The following NRG1 variants were observed in gnomAD, a reference collection of about 807,000 sequenced individuals.
The protein encoded by NRG1 is neuregulin 1, also known as pro-neuregulin-1, membrane-bound isoform.
NRG1 carries 18 observed loss-of-function variants against 63.8 expected under a neutral mutation model. That is an observed-to-expected ratio of 0.28 (90% CI 0.19 to 0.42). The LOEUF (loss-of-function observed/expected upper bound fraction) is 0.42. NRG1 is among the 10% of genes least tolerant of loss of function. NRG1 has a pLI of 1.00. For synonymous variants in NRG1, 302 were observed against 301.3 expected (o/e 1.00, Z -0.02); for missense variants, 762 against 814.7 (o/e 0.94, Z 0.79).
At chr8:32,177,321 C>T (rs1419414667) in intron 1 of NRG1, among the ~76,000 whole-genome samples, 1 of 131,460 alleles carries the variant, frequency 7.6e-6, no homozygotes, top group Non-Finnish European at 1.6e-5. Flanking sequence ...CACACTGGGG[C>T]CTGTTGTGGG....
intron 1 of NRG1, among the ~76,000 whole-genome samples, chr8:31,865,793 TG>T (rs2129610975): frequency 6.6e-6 from 1 of 152,302 alleles, no homozygotes; most frequent in South Asian, 2.1e-4. Context: ...CATAGTAGCA[TG>T]AGAGCAGACT....
chr8:32,461,623 C>T (rs779945716), intron 1 of NRG1, among the ~76,000 whole-genome samples: 2 of 151,972 alleles, frequency 1.3e-5, no homozygotes, highest in Non-Finnish European at 2.9e-5. Flanking sequence ...ACCTAGGAGG[C>T]GGAGGTTGAA....
At chr8:32,024,803 C>T (rs1446282191) in intron 1 of NRG1, among the ~76,000 whole-genome samples, 1 of 152,036 alleles carries the variant, frequency 6.6e-6, no homozygotes, top group Non-Finnish European at 1.5e-5. Context: ...TTTCATTGAA[C>T]CTGTGAGTGA....
intron 1 of NRG1, among the ~76,000 whole-genome samples, chr8:32,465,562 G>C (rs925052557): frequency 1.1e-4 from 16 of 150,892 alleles, no homozygotes; most frequent in Non-Finnish European, 2.1e-4. Flanking sequence ...ATTTCTGAGA[G>C]GATATGACAA....
chr8:31,895,261 G>A (rs1415554893), intron 1 of NRG1, among the ~76,000 whole-genome samples: 2 of 152,210 alleles, frequency 1.3e-5, no homozygotes, highest in Admixed American at 1.3e-4. Context: ...GCTAAAGCCA[G>A]GTCCCCAAAG....
intron 1 of NRG1, among the ~76,000 whole-genome samples, chr8:31,873,795 T>C (rs1400526071): frequency 6.6e-6 from 1 of 152,228 alleles, no homozygotes; most frequent in Admixed American, 6.5e-5. Flanking sequence ...GAGGAATTTG[T>C]GTGTTTTAAA....
chr8:32,380,511 C>T (rs1201320957), intron 1 of NRG1, among the ~76,000 whole-genome samples: 1 of 152,080 alleles, frequency 6.6e-6, no homozygotes, highest in Non-Finnish European at 1.5e-5. Context: ...ACCTTGAAAT[C>T]CCCACTTGGA....
intron 1 of NRG1, among the ~76,000 whole-genome samples, chr8:31,690,787 A>G (rs1289204465): frequency 1.3e-5 from 2 of 152,200 alleles, no homozygotes; most frequent in African/African-American, 2.4e-5. Flanking sequence ...CAACTGAAAT[A>G]AGGAAGGCTA....
intron 1 of NRG1, among the ~76,000 whole-genome samples, chr8:32,425,133 G>T (rs893624039): frequency 1.3e-5 from 2 of 152,148 alleles, no homozygotes; most frequent in African/African-American, 4.8e-5. Context: ...CACTGAATAT[G>T]AAGGAGGCCA....
chr8:31,981,915 T>C (rs895417733), intron 1 of NRG1, among the ~76,000 whole-genome samples: 18 of 152,144 alleles, frequency 1.2e-4, no homozygotes, highest in African/African-American at 3.9e-4. Context: ...AAGGGATTGA[T>C]ATTTAAATAA....
At chr8:32,394,213 G>C (rs1812149632) in intron 1 of NRG1, among the ~76,000 whole-genome samples, 1 of 152,118 alleles carries the variant, frequency 6.6e-6, no homozygotes. Context: ...CTCTGTCACT[G>C]TGTGGACTTA....
At chr8:31,648,507 G>A (rs755077402) in intron 1 of NRG1, among the ~76,000 whole-genome samples, 9 of 151,992 alleles carry the variant, frequency 5.9e-5, no homozygotes, top group Non-Finnish European at 1.3e-4. Context: ...ATCATCCATC[G>A]CCATACTCTT....
chr8:31,801,998 G>A (rs115854620), intron 1 of NRG1, among the ~76,000 whole-genome samples: 92 of 152,268 alleles, frequency 6.0e-4, no homozygotes, highest in African/African-American at 2.0e-3. Flanking sequence ...CTCATTCTCT[G>A]TAACACTAAC....
intron 1 of NRG1, among the ~76,000 whole-genome samples, chr8:31,975,254 T>C (rs1361240553): frequency 1.3e-5 from 2 of 152,116 alleles, no homozygotes; most frequent in African/African-American, 4.8e-5. Context: ...ATGACAGAAC[T>C]ACAAGAGGCA....
chr8:32,597,738 A>G (rs1563736220), intron 2 of NRG1, among the ~76,000 whole-genome samples: 1 of 152,208 alleles, frequency 6.6e-6, no homozygotes, highest in East Asian at 1.9e-4. Context: ...TAAAAATGTA[A>G]TATACTGAGA....
chr8:32,752,538 G>C (rs1364740941), intron 7 of NRG1, among the ~76,000 whole-genome samples: 1 of 152,146 alleles, frequency 6.6e-6, no homozygotes, highest in Non-Finnish European at 1.5e-5. Flanking sequence ...ATGCTGTATG[G>C]AATGACCCTT....
At chr8:32,574,610 C>T (rs560531122) in intron 1 of NRG1, among the ~76,000 whole-genome samples, 3 of 152,220 alleles carry the variant, frequency 2.0e-5, no homozygotes, top group South Asian at 4.1e-4. Flanking sequence ...CTCTCTTTCT[C>T]TTGCTTGCTC....
intron 1 of NRG1, among the ~76,000 whole-genome samples, chr8:32,397,954 T>C (rs191369503): frequency 4.6e-5 from 7 of 151,198 alleles, no homozygotes; most frequent in Admixed American, 6.6e-5. Context: ...TGCACACTTA[T>C]TGTGTTTTCA....
At chr8:32,705,473 A>T (rs984872978) in intron 5 of NRG1, among the ~76,000 whole-genome samples, 1 of 152,146 alleles carries the variant, frequency 6.6e-6, no homozygotes, top group East Asian at 1.9e-4. Context: ...TCCTTGACGA[A>T]ATGTGCTAAA....
Sources: gnomAD v4.1 joint callset for allele counts (sites outside exome capture counted in the v4.1 genomes callset) on GRCh38, gnomAD v4.1.1 for gene constraint, MANE v1.5 for transcripts, NCBI Gene and HGNC (gene_info 2026-07-23, HGNC 2026-07-21) for gene names.